The following CHODL variants were observed in gnomAD, a reference collection of about 807,000 sequenced individuals.
CHODL encodes chondrolectin.
Under a neutral mutation model 34.5 loss-of-function variants are expected in CHODL, and 29 were observed. The ratio of observed to expected loss-of-function variants is 0.84; its 90% CI spans 0.63 to 1.15. CHODL has a LOEUF of 1.15. CHODL is among the 50% of genes most tolerant of loss of function. The pLI, the probability that CHODL is intolerant of heterozygous loss-of-function variation, is 0.00. For missense variants in CHODL, 332 were observed against 332.5 expected, an observed-to-expected ratio of 1.00 and a Z score of 0.01; for synonymous variants, 125 against 116.1, an observed-to-expected ratio of 1.08 and a Z score of -0.49.
At chr21:18,101,096 A>G (rs1375996841) in intron 2 of CHODL, among the ~76,000 whole-genome samples, 2 of 152,078 alleles carry the variant, frequency 1.3e-5, no homozygotes, top group East Asian at 3.9e-4. Context: ...GTGGGAGATG[A>G]TTGAATAATG....
chr21:18,026,141 A>G (rs1014588886), intron 1 of CHODL, among the ~76,000 whole-genome samples: 3 of 152,346 alleles, frequency 2.0e-5, no homozygotes, highest in Non-Finnish European at 4.4e-5. Flanking sequence ...ACATGAAATT[A>G]GTATTTGCTG....
chr21:17,999,099 T>G (rs909130570), intron 1 of CHODL, among the ~76,000 whole-genome samples: 4 of 152,226 alleles, frequency 2.6e-5, no homozygotes, highest in Admixed American at 1.3e-4. Flanking sequence ...AAATTTATTC[T>G]GCTAGATAGC....
intron 2 of CHODL, among the ~76,000 whole-genome samples, chr21:18,220,418 CTTAT>C (rs1398664306): frequency 2.0e-5 from 3 of 151,938 alleles, no homozygotes; most frequent in Non-Finnish European, 4.4e-5. Context: ...TTCTTTCTCT[CTTAT>C]TTCTTATCTT....
chr21:18,010,876 CAT>C (rs112582048), intron 1 of CHODL, among the ~76,000 whole-genome samples: 16 of 152,272 alleles, frequency 1.1e-4, no homozygotes, highest in African/African-American at 3.8e-4. Context: ...AAATGTAAAA[CAT>C]AACAATTTTG....
At chr21:18,065,399 T>C (rs2064719518) in intron 2 of CHODL, among the ~76,000 whole-genome samples, 3 of 152,180 alleles carry the variant, frequency 2.0e-5, no homozygotes, top group Non-Finnish European at 4.4e-5. Flanking sequence ...AATGAGTGCA[T>C]AAAATACATG....
At chr21:17,987,404 A>T (rs1020966543) in intron 1 of CHODL, among the ~76,000 whole-genome samples, 1 of 152,316 alleles carries the variant, frequency 6.6e-6, no homozygotes, top group East Asian at 1.9e-4. Flanking sequence ...TTTCTAAAAA[A>T]TATAGCCACT....
chr21:18,253,302 G>A (rs1373508843), intron 1 of CHODL, among the ~76,000 whole-genome samples: 1 of 151,348 alleles, frequency 6.6e-6, no homozygotes, highest in Non-Finnish European at 1.5e-5. Flanking sequence ...GAAAGGTCTG[G>A]CTATTCTGTT....
At chr21:18,163,658 C>T (rs2073121732) in intron 2 of CHODL, among the ~76,000 whole-genome samples, 1 of 152,078 alleles carries the variant, frequency 6.6e-6, no homozygotes, top group South Asian at 2.1e-4. Flanking sequence ...AGATGGTTTG[C>T]ATTATAGTAC....
intron 1 of CHODL, among the ~76,000 whole-genome samples, chr21:17,970,156 C>A (rs1261500097): frequency 6.6e-6 from 1 of 151,960 alleles, no homozygotes; most frequent in African/African-American, 2.4e-5. Context: ...TCAAAATTTT[C>A]TTTGGTGGAC....
chr21:18,197,856 A>G lies in CHODL; in HGVS notation c.-44-58653A>G, dbSNP rs533384690. On this transcript the variant is annotated intron_variant, in intron 2 of 6. Coordinates refer to the CHODL transcript ENST00000400127. ...GGAAGAAGAAGAAACTGTAAAAGCC[A>G]AAAGGAAAGCTTTGTCAACCTTACG... Among the ~76,000 whole-genome samples the G allele has an allele frequency of 4.6e-5, 7 of 152,346 alleles. No individual in the cohort carries two copies. The East Asian group carries it at 1.4e-3, about 29-fold the overall frequency.
intron 1 of CHODL, among the ~76,000 whole-genome samples, chr21:17,938,384 A>G (rs1442598957): frequency 7.8e-6 from 1 of 128,984 alleles, no homozygotes; most frequent in African/African-American, 3.1e-5. Context: ...CAGCTACTGC[A>G]TATATATAGA....
chr21:18,124,630 A>G (rs1459350385), intron 2 of CHODL, among the ~76,000 whole-genome samples: 3 of 152,288 alleles, frequency 2.0e-5, no homozygotes, highest in South Asian at 4.1e-4. Context: ...ATGTTATACT[A>G]TCAAACAAGT....
chr21:18,244,068 G>A (rs2074107202), upstream of CHODL, among the ~76,000 whole-genome samples: 1 of 152,206 alleles, frequency 6.6e-6, no homozygotes, highest in African/African-American at 2.4e-5. Flanking sequence ...TGGGTAGACT[G>A]TTTTAATAAA....
At chr21:18,125,296 T>G (rs2065528573) in intron 2 of CHODL, among the ~76,000 whole-genome samples, 1 of 152,228 alleles carries the variant, frequency 6.6e-6, no homozygotes, top group African/African-American at 2.4e-5. Flanking sequence ...CAGTAAATAT[T>G]TTCTGATCTG....
intron 1 of CHODL, among the ~76,000 whole-genome samples, chr21:18,012,529 C>T (rs1323376630): frequency 6.6e-6 from 1 of 152,138 alleles, no homozygotes; most frequent in Non-Finnish European, 1.5e-5. Flanking sequence ...AATCTTCCAG[C>T]AGATAGTTGG....
intron 1 of CHODL, among the ~76,000 whole-genome samples, chr21:17,984,624 A>C (rs1480192519): frequency 6.6e-6 from 1 of 151,176 alleles, no homozygotes; most frequent in Non-Finnish European, 1.5e-5. Flanking sequence ...TTAATTTAAG[A>C]CATTTATTTT....
chr21:18,245,076 C>T lies in CHODL; in HGVS notation c.-148C>T. The T allele has an allele frequency of 1.6e-6, 1 of 613,178 alleles. No individual in the cohort carries two copies. The highest frequency in any genetic ancestry group is 2.6e-6 in the Non-Finnish European group (1 of 391,556). The allele number at this position is 613,178 out of a possible 1,614,324, so 38.0% of individuals were successfully genotyped here. On this transcript the variant is annotated 5_prime_UTR_variant, in exon 1 of 6. Transcript: ENST00000299295. ...CGGCAGGTCCCGGCCGAAGGCGATG[C>T]GCGCAGGGGGTCGGGCAGCTGGGCT...
chr21:18,082,698 TG>T (rs1377152077), intron 2 of CHODL, among the ~76,000 whole-genome samples: 1 of 152,198 alleles, frequency 6.6e-6, no homozygotes, highest in East Asian at 1.9e-4. Flanking sequence ...ATTTTGCTCC[TG>T]CTGTAGAAAT....
At chr21:17,946,599 G>A (rs73321601) in intron 1 of CHODL, among the ~76,000 whole-genome samples, 3,293 of 152,272 alleles carry the variant, frequency 0.022, 122 homozygotes, top group African/African-American at 0.075. Flanking sequence ...GATATTGAGT[G>A]AATGTGTATT....
Sources: gnomAD v4.1 joint callset for allele counts (sites outside exome capture counted in the v4.1 genomes callset) on GRCh38, gnomAD v4.1.1 for gene constraint, MANE v1.5 for transcripts, NCBI Gene and HGNC (gene_info 2026-07-23, HGNC 2026-07-21) for gene names.